PITPNM1: variants seen among roughly 807,000 people sequenced by gnomAD.
The protein encoded by PITPNM1 is membrane-associated phosphatidylinositol transfer protein 1.
In PITPNM1, 74 loss-of-function variants were observed where a neutral mutation model predicts 133.3. The observed-to-expected ratio is 0.56, with a 90% CI of 0.46 to 0.67. PITPNM1 has a LOEUF of 0.67. PITPNM1 is among the 30% of genes least tolerant of loss of function. PITPNM1 has a pLI of 0.00. For synonymous variants in PITPNM1, 738 were observed against 741.4 expected (o/e 1.00, Z 0.08); for missense variants, 1,398 against 1,739.5 (o/e 0.80, Z 3.49).
In PITPNM1 at chr11:67,493,834, G is replaced by A. The variant is rs974466904; in HGVS notation, c.3012C>T (p.Gly1004=). The change falls in exon 21 of 24, where the codon GGC becomes GGT. Residue 1004 remains glycine, a synonymous_variant. Transcript: ENST00000356404. ...GGCAGCATTCGGCATAGGTGTGGTC[G>A]CCCCTGCGGCCCACGGGGCGGGGCG... is the stretch of plus-strand genomic sequence containing the variant. ...GVYPVRMVVR[G]DHTYAECCLT... is the part of the protein sequence containing the mutation. The A allele has an allele frequency of 1.7e-5, 26 of 1,539,166 alleles. No homozygotes were observed. The African/African-American group carries it at 2.1e-4, about 12-fold the overall frequency.
rs565922531 is a variant in PITPNM1 at position 67,493,187 on chromosome 11, C to T, written c.3343-125G>A. On this transcript the variant is annotated intron_variant, in intron 22 of 23. Transcript: ENST00000356404. ...GGCAGACGGAGGCGAAGACAGGTCC[C>T]AGTCCCACGGGGACAGGGGCGGGAC... 41 of 1,263,904 alleles carry T rather than the reference C, an allele frequency of 3.2e-5. No homozygotes were observed. In the East Asian group the frequency reaches 9.3e-4, roughly 29 times the overall value. The allele number at this position is 1,263,904 out of a possible 1,614,324, so 78.3% of individuals were successfully genotyped here.
intron 5 of PITPNM1, 61 bp from the exon 6 acceptor site, chr11:67,500,482 A>G (rs1040411175): frequency 1.3e-6 from 2 of 1,512,280 alleles, no homozygotes; most frequent in African/African-American, 2.7e-5. Flanking sequence ...CCGCAGCTAC[A>G]TGCCCAGCCT....
In PITPNM1 at chr11:67,492,238, T is replaced by A; in HGVS notation, c.3530A>T (p.His1177Leu). ...LGQLEAGSHS[H>L]ASSGPPRAAL... is the part of the protein sequence containing the mutation. Reference sequence around the variant, plus strand: ...AGCTCTCGGGGGTCCCGAGGAGGCATGCGAGTGCGAGCCCGCTTCCAGCTG... The same window carrying A: ...AGCTCTCGGGGGTCCCGAGGAGGCAAGCGAGTGCGAGCCCGCTTCCAGCTG... The change falls in exon 24 of 24, where the codon CAT becomes CTT. Residue 1177 changes from histidine to leucine, a missense_variant. Transcript: ENST00000356404. 1 of 1,599,404 alleles carries A rather than the reference T, an allele frequency of 6.3e-7. No homozygotes were observed.
chr11:67,502,551 C>T lies in PITPNM1; in HGVS notation c.246G>A (p.Leu82=), dbSNP rs1203832383. 6 of 1,613,762 alleles carry T rather than the reference C, an allele frequency of 3.7e-6. No individual in the cohort carries two copies. Among genetic ancestry groups the T allele is most frequent in the East Asian group, 2.2e-5 (1 of 44,890 alleles). ...CATTCCAGGATTCCTCTTCTACCTG[C>T]AGGGCAGCCTTGGGCAGCAGTGCCC... ...WFRALLPKAA[L]QVEEESWNAY... is the part of the protein sequence containing the mutation. Residue 82 remains leucine, a synonymous_variant, in exon 3 of 24, where the codon CTG becomes CTA. Coordinates refer to ENST00000356404, the MANE Select transcript of PITPNM1 (RefSeq NM_004910.3). The surrounding 1 kb of genome is among the most constrained non-coding windows in gnomAD (Gnocchi z 5.9).
In PITPNM1 at chr11:67,500,177, T is replaced by A. The variant is rs760497918; in HGVS notation, c.885A>T (p.Pro295=). The A allele has an allele frequency of 6.3e-7, 1 of 1,598,454 alleles. No individual in the cohort carries two copies. The highest frequency in any genetic ancestry group is 1.3e-5 in the African/African-American group (1 of 74,676). The part of the protein sequence containing the change: ...TGTPDGPEAP[P]GPDASPDASF... ...TGGCATCGGGGGAGGCATCTGGGCC[T>A]GGGGGGGCCTCAGGCCCATCGGGGG... Residue 295 remains proline, a synonymous_variant, in exon 6 of 24, where the codon CCA becomes CCT. Transcript: ENST00000356404.
intron 16 of PITPNM1, 48 bp downstream of exon 16, chr11:67,495,390 C>G (rs779446015): frequency 3.4e-6 from 5 of 1,458,650 alleles, no homozygotes; most frequent in Non-Finnish European, 4.5e-6. Flanking sequence ...AGGTGGAATA[C>G]GGGCCTCCCC....
intron 23 of PITPNM1, 148 bp from the exon 24 acceptor site, chr11:67,492,444 A>C: frequency 1.3e-6 from 1 of 789,900 alleles, no homozygotes; most frequent in South Asian, 2.1e-5. Flanking sequence ...AATAGATAGG[A>C]CCCCAGGCTG....
At position 67,497,900 on chromosome 11, in the gene PITPNM1, G is replaced by A. The variant is rs986707345; in HGVS notation, c.1782+17C>T. On this transcript the variant is annotated intron_variant, in intron 12 of 23. Coordinates refer to ENST00000356404, the MANE Select transcript of PITPNM1 (RefSeq NM_004910.3). ...GGCCTTTCCGCTCCTGAGGAGGCCG[G>A]GTTTGGCTATACTGACCATGCTCCC... 3.1e-6 allele frequency: 5 copies of A among 1,606,742 alleles called. No individual in the cohort carries two copies. Among genetic ancestry groups the A allele is most frequent in the Non-Finnish European group, 4.2e-6 (5 of 1,177,146 alleles).
At chr11:67,493,284 C>T (rs1865995777) in intron 22 of PITPNM1, 126 bp downstream of exon 22, 1 of 1,155,518 alleles carries the variant, frequency 8.7e-7, no homozygotes, top group South Asian at 1.6e-5. Flanking sequence ...CGTAGCGGGC[C>T]GCTGCAGTCA....
In PITPNM1 at chr11:67,502,953, G is replaced by A. The variant is rs1235814737; in HGVS notation, c.79-235C>T. Among the ~76,000 whole-genome samples the A allele has an allele frequency of 6.6e-6, 1 of 152,246 alleles. No individual in the cohort carries two copies. Among genetic ancestry groups the A allele is most frequent in the Non-Finnish European group, 1.5e-5 (1 of 68,054 alleles). On this transcript the variant is annotated intron_variant, in intron 2 of 23. Coordinates refer to ENST00000356404, the MANE Select transcript of PITPNM1 (RefSeq NM_004910.3). The surrounding 1 kb of genome is among the most constrained non-coding windows in gnomAD (Gnocchi z 5.9). ...TGAGTCATTCAAGTATTCATTGAGT[G>A]TCTGCTCCACTCCAGGCAGTGTTTG... is the stretch of plus-strand genomic sequence containing the variant.
Position 67,498,090 on chromosome 11 carries a change from G to A in PITPNM1, c.1674+43C>T. The A allele has an allele frequency of 1.2e-6, 2 of 1,608,016 alleles. No individual in the cohort carries two copies. Among genetic ancestry groups the A allele is most frequent in the African/African-American group, 2.7e-5 (2 of 75,018 alleles). On this transcript the variant is annotated intron_variant, in intron 11 of 23. Coordinates refer to ENST00000356404, the MANE Select transcript of PITPNM1 (RefSeq NM_004910.3). This position sits in a 1 kb window ranked among gnomAD's most constrained non-coding sequence, Gnocchi z 5.7. ...TCACCCAGGCCAGACTACAGTGGGG[G>A]CTGCAGTGGAGGGCAGCAGATGGAC... is the stretch of plus-strand genomic sequence containing the variant.
rs371971798 is a variant in PITPNM1 at position 67,499,795 on chromosome 11, C to T, written c.1099G>A (p.Glu367Lys). 2.6e-5 allele frequency: 41 copies of T among 1,549,874 alleles called. No individual in the cohort carries two copies. In the African/African-American group the frequency reaches 4.4e-4, roughly 17 times the overall value. Residue 367 changes from glutamate (E) to lysine (K), a missense_variant, in exon 8 of 24, where the codon GAG becomes AAG. By Grantham distance (56) the Glu-to-Lys change is moderately conservative. Around this residue, in one of 5 missense-constraint regions of PITPNM1, gnomAD observed 195 missense variants for 178.8 expected, o/e 1.09. Coordinates refer to ENST00000356404, the MANE Select transcript of PITPNM1 (RefSeq NM_004910.3). ...FSDSEEVFPK[E>K]MTKWNSNDFI... is the part of the protein sequence containing the mutation. ...TCATTGGAGTTCCACTTGGTCATCT[C>T]CTTGGGGAAGACCTCCTCACTGTCC...
chr11:67,497,540 G>A lies in PITPNM1; in HGVS notation c.1922C>T (p.Pro641Leu), dbSNP rs547678982. The A allele has an allele frequency of 1.8e-4, 291 of 1,609,184 alleles. 1 individual carries two copies. The South Asian group carries it at 3.1e-3, about 17-fold the overall frequency. The part of the protein sequence containing the change: ...RIPSDMASPE[P>L]EGSQNSLQAA... Reference sequence around the variant, plus strand: ...ACGTCACCTGTTCTGAGAGCCCTCGGGCTCAGGACTGGCCATGTCGCTGGG... The same window carrying A: ...ACGTCACCTGTTCTGAGAGCCCTCGAGCTCAGGACTGGCCATGTCGCTGGG... The change falls in exon 13 of 24, where the codon CCC (proline) becomes CTC (leucine). Residue 641 changes from proline (P) to leucine (L), a missense_variant. Physicochemically the swap from Pro to Leu is moderately conservative, Grantham distance 98. Coordinates refer to ENST00000356404, the MANE Select transcript of PITPNM1 (RefSeq NM_004910.3).
Position 67,499,752 on chromosome 11 carries a change from G to T in PITPNM1, c.1142C>A (p.Ala381Asp). 1 of 1,513,748 alleles carries T rather than the reference G, an allele frequency of 6.6e-7. No homozygotes were observed. 93.8% of individuals were successfully genotyped at this position (1,513,748 alleles called of 1,614,324 possible). The change falls in exon 8 of 24, where the codon GCC (alanine) becomes GAC (aspartate). Residue 381 changes from alanine (A) to aspartate (D), a missense_variant. Transcript: ENST00000356404. ...WNSNDFIDAF[A>D]SPVEAEGTPE... ...CGTTCCCTCTGCCTCCACTGGGGAG[G>T]CAAAGGCATCAATGAAGTCATTGGA...
chr11:67,504,126 C>G lies in PITPNM1; in HGVS notation c.55G>C (p.Val19Leu), dbSNP rs752436658. The G allele has an allele frequency of 2.5e-5, 41 of 1,608,766 alleles. No homozygotes were observed. The highest frequency in any genetic ancestry group is 3.3e-5 in the Non-Finnish European group (39 of 1,178,504). ...ACCTGGATCATGTAGAGCTGGGCCA[C>G]CTGGTACTCGTCCAGGCTCATGGGC... is the stretch of plus-strand genomic sequence containing the variant. The part of the protein sequence containing the change: ...LLPMSLDEYQ[V>L]AQLYMIQKKS... Residue 19 changes from valine to leucine, a missense_variant, in exon 2 of 24, where the codon GTG becomes CTG. Val to Leu is a conservative substitution (Grantham distance 32). This residue lies in a region of PITPNM1 where 274 missense variants were observed against 360.7 expected (regional missense o/e 0.76). Coordinates refer to ENST00000356404, the MANE Select transcript of PITPNM1 (RefSeq NM_004910.3). This position sits in a 1 kb window ranked among gnomAD's most constrained non-coding sequence, Gnocchi z 5.4.
rs766029171 is a variant in PITPNM1, at chr11:67,495,199, G to T, written c.2509C>A (p.Arg837=). ...KILERWWGTK[R]IDYSLYCPEA... is the part of the protein sequence containing the mutation. Reference sequence around the variant, plus strand: ...GGGCAGTACAGCGAGTAGTCGATCCGCTTGGTCCCCCACCAGCGCTCCAGG... The same window carrying T: ...GGGCAGTACAGCGAGTAGTCGATCCTCTTGGTCCCCCACCAGCGCTCCAGG... The change falls in exon 17 of 24, where the codon CGG becomes AGG. Residue 837 remains arginine (R), a synonymous_variant. Coordinates refer to ENST00000356404, the MANE Select transcript of PITPNM1 (RefSeq NM_004910.3). 1 of 1,605,440 alleles carries T rather than the reference G, an allele frequency of 6.2e-7. No individual in the cohort carries two copies. The highest frequency in any genetic ancestry group is 1.1e-5 in the South Asian group (1 of 90,832).
chr11:67,505,779 G>A (rs904406596), upstream of PITPNM1, among the ~76,000 whole-genome samples: 2 of 152,184 alleles, frequency 1.3e-5, no homozygotes, highest in Non-Finnish European at 2.9e-5. The surrounding 1 kb of genome is among the most constrained non-coding windows in gnomAD (Gnocchi z 5.8). Flanking sequence ...ACCTAGGGCT[G>A]GGCTCGGCTC....
rs1866188544 is a variant in PITPNM1, at chr11:67,498,033, G to A, written c.1675-9C>T. ...TCTCCAATCAGTGCGACCTGGGTGG[G>A]AGCAGGGGCACCATCAGGAGAGGCC... On this transcript the variant is annotated splice_polypyrimidine_tract_variant and intron_variant, in intron 11 of 23. Transcript: ENST00000356404. This position sits in a 1 kb window ranked among gnomAD's most constrained non-coding sequence, Gnocchi z 5.7. 6.2e-7 allele frequency: 1 copy of A among 1,609,022 alleles called. No homozygotes were observed. Among genetic ancestry groups the A allele is most frequent in the African/African-American group, 1.3e-5 (1 of 75,034 alleles).
chr11:67,498,533 C>A lies in PITPNM1; in HGVS notation c.1484+63G>T, dbSNP rs1866207529. 2 of 1,561,450 alleles carry A rather than the reference C, an allele frequency of 1.3e-6. No homozygotes were observed. Among genetic ancestry groups the A allele is most frequent in the Admixed American group, 1.7e-5 (1 of 58,414 alleles). On this transcript the variant is annotated intron_variant, in intron 10 of 23. Transcript: ENST00000356404. This position sits in a 1 kb window ranked among gnomAD's most constrained non-coding sequence, Gnocchi z 5.7. Reference sequence around the variant, plus strand: ...GTCTGGCTTCCTGACCCCTTCCCCGCTCCCTGCCCCGCTCCCTGGCCTGAT... The same window carrying A: ...GTCTGGCTTCCTGACCCCTTCCCCGATCCCTGCCCCGCTCCCTGGCCTGAT...
Sources: allele counts gnomAD v4.1 joint callset (sites outside exome capture counted in the v4.1 genomes callset), GRCh38; gene constraint gnomAD v4.1.1; regional missense constraint gnomAD v4.1.1; non-coding constraint Gnocchi (gnomAD v3.1); transcripts MANE v1.5; gene names NCBI Gene and HGNC (gene_info 2026-07-23, HGNC 2026-07-21).